Variants in RNF182 observed in about 807,000 individuals in gnomAD.
RNF182 encodes the protein ring finger protein 182.
RNF182 carries 15 observed loss-of-function variants against 14.4 expected under a neutral mutation model. That is an observed-to-expected ratio of 1.04 (90% CI 0.70 to 1.60). RNF182 has a LOEUF of 1.60. RNF182 is among the 40% of genes most tolerant of loss of function. The probability of loss-of-function intolerance (pLI) is 0.00; values close to 1 mark genes in which losing one functional copy is unlikely to be tolerated. For missense variants in RNF182, 268 were observed against 294.8 expected (o/e 0.91, Z 0.67); for synonymous variants, 128 against 122.9 (o/e 1.04, Z -0.27).
At chr6:13,939,246 C>G (rs1404925811) in intron 1 of RNF182, among the ~76,000 whole-genome samples, 1 of 152,136 alleles carries the variant, frequency 6.6e-6, no homozygotes, top group Non-Finnish European at 1.5e-5. Flanking sequence ...CCACAAACAA[C>G]CTGATAGATT....
rs1760440766 is a variant in RNF182, at chr6:13,979,626, A to G, written c.*1763A>G. The G allele has an allele frequency of 6.0e-6, 1 of 166,678 alleles. No individual in the cohort carries two copies. The highest frequency in any genetic ancestry group is 1.5e-5 in the Non-Finnish European group (1 of 68,108). 10.3% of individuals were successfully genotyped at this position (166,678 alleles called of 1,614,324 possible). A position where few individuals can be genotyped will look rare whatever the true frequency, so the allele number is the denominator to read the frequency against. On this transcript the variant is annotated 3_prime_UTR_variant, in exon 3 of 3. Coordinates refer to ENST00000488300, the MANE Select transcript of RNF182 (RefSeq NM_152737.4). ...ATTGTGATGCAATTTCCAGAAATCC[A>G]TTTGTGTTTAGAGTAAATACCATGT...
intron 1 of RNF182, among the ~76,000 whole-genome samples, chr6:13,942,876 T>A (rs1759335832): frequency 6.6e-6 from 1 of 152,222 alleles, no homozygotes; most frequent in African/African-American, 2.4e-5. Context: ...TCCGTTCTTA[T>A]TTTTATTTTA....
chr6:13,969,724 C>T (rs553385873), intron 1 of RNF182, among the ~76,000 whole-genome samples: 1 of 152,124 alleles, frequency 6.6e-6, no homozygotes, highest in African/African-American at 2.4e-5. Context: ...GCCCAATAGT[C>T]CAGGAGCTCA....
intron 1 of RNF182, among the ~76,000 whole-genome samples, chr6:13,973,309 T>C (rs1760240916): frequency 1.3e-5 from 2 of 152,170 alleles, no homozygotes; most frequent in Admixed American, 6.5e-5. Context: ...CAGATGAGAC[T>C]TTGGACTATG....
intron 1 of RNF182, among the ~76,000 whole-genome samples, chr6:13,940,244 C>T (rs192135692): frequency 2.7e-3 from 404 of 152,140 alleles, no homozygotes; most frequent in African/African-American, 8.8e-3. Context: ...AATGATTTTC[C>T]GCATTTATCG....
At position 13,977,818 on chromosome 6, in the gene RNF182, G is replaced by C. The variant is rs753892118; in HGVS notation, c.699G>C (p.Gln233His). The change falls in exon 3 of 3, where the codon CAG becomes CAC. Residue 233 changes from glutamine (Q) to histidine (H), a missense_variant. By Grantham distance (24) the Gln-to-His change is conservative. Coordinates refer to ENST00000488300, the MANE Select transcript of RNF182 (RefSeq NM_152737.4). ...TTCTTATGGTGTATGGTTTTTGCCA[G>C]TGTGTTTGTCATGAATTTCTAGACT... ...LVILMVYGFC[Q>H]CVCHEFLDCM... 4.3e-6 allele frequency: 7 copies of C among 1,613,902 alleles called. No homozygotes were observed. Among genetic ancestry groups the C allele is most frequent in the Non-Finnish European group, 5.9e-6 (7 of 1,179,974 alleles).
In RNF182 at chr6:13,970,578, A is replaced by T. The variant is rs75582107; in HGVS notation, c.-366-3632A>T. Among the ~76,000 whole-genome samples, 773 of 152,196 alleles carry T rather than the reference A, an allele frequency of 5.1e-3. 10 individuals are homozygous for T. Among genetic ancestry groups the T allele is most frequent in the African/African-American group, 0.018 (732 of 41,516 alleles). ...GTGCATGTATCCCTTTGATATATTGATTTCTTTTTCTTTGGATAGATACCA... is the reference window on the plus strand; with the variant it reads ...GTGCATGTATCCCTTTGATATATTGTTTTCTTTTTCTTTGGATAGATACCA... On this transcript the variant is annotated intron_variant, in intron 1 of 2. Coordinates refer to ENST00000488300, the MANE Select transcript of RNF182 (RefSeq NM_152737.4).
intron 1 of RNF182, chr6:13,925,306 C>T (rs971306206): frequency 1.3e-5 from 2 of 149,936 alleles, no homozygotes; most frequent in African/African-American, 2.4e-5. Context: ...GGAGCTGCCC[C>T]TCTGTTGTTG....
At chr6:13,956,136 G>A (rs1447013081) in intron 1 of RNF182, among the ~76,000 whole-genome samples, 1 of 151,868 alleles carries the variant, frequency 6.6e-6, no homozygotes, top group Non-Finnish European at 1.5e-5. Flanking sequence ...TCTTGCTTAG[G>A]GCTGAATAGT....
chr6:13,949,443 G>A (rs530502091), intron 1 of RNF182: 12 of 675,482 alleles, frequency 1.8e-5, no homozygotes, highest in Middle Eastern at 2.5e-4. Flanking sequence ...AGGTTTCTTT[G>A]ACTTCATTCT....
At chr6:13,935,493 C>CTT (rs1759085019) in intron 1 of RNF182, among the ~76,000 whole-genome samples, 1 of 152,128 alleles carries the variant, frequency 6.6e-6, no homozygotes, top group African/African-American at 2.4e-5. Context: ...ATATCAAGGC[C>CTT]TTTATTCATA....
At chr6:13,946,024 T>C (rs1759430256) in intron 1 of RNF182, among the ~76,000 whole-genome samples, 1 of 152,080 alleles carries the variant, frequency 6.6e-6, no homozygotes, top group South Asian at 2.1e-4. Context: ...CTTATTTATA[T>C]ATAACAAAGG....
intron 1 of RNF182, among the ~76,000 whole-genome samples, chr6:13,956,963 A>G (rs1465997880): frequency 1.3e-5 from 2 of 151,460 alleles, no homozygotes; most frequent in African/African-American, 4.9e-5. Flanking sequence ...CCTTTGTTCT[A>G]CATCTTCACT....
chr6:13,961,831 T>A (rs997682507), intron 1 of RNF182, among the ~76,000 whole-genome samples: 6 of 152,314 alleles, frequency 3.9e-5, no homozygotes, highest in Admixed American at 1.3e-4. Context: ...TTGCTCCTTA[T>A]GCTGCCAAAC....
chr6:13,941,868 A>G (rs886080860), intron 1 of RNF182, among the ~76,000 whole-genome samples: 1 of 152,186 alleles, frequency 6.6e-6, no homozygotes, highest in Non-Finnish European at 1.5e-5. Context: ...CCACACATGA[A>G]TAAAATAACA....
At chr6:13,962,962 G>A (rs1759918295) in intron 1 of RNF182, among the ~76,000 whole-genome samples, 1 of 152,180 alleles carries the variant, frequency 6.6e-6, no homozygotes, top group Admixed American at 6.5e-5. Flanking sequence ...CACAGTGACA[G>A]CTCTGTTTTT....
chr6:13,957,739 C>T (rs965221649), intron 1 of RNF182, among the ~76,000 whole-genome samples: 4 of 152,118 alleles, frequency 2.6e-5, no homozygotes, highest in African/African-American at 9.7e-5. Flanking sequence ...TTTTAGAACA[C>T]TGTGAATACT....
At chr6:13,925,883 T>C (rs1180713606) in intron 1 of RNF182, among the ~76,000 whole-genome samples, 1 of 152,212 alleles carries the variant, frequency 6.6e-6, no homozygotes, top group African/African-American at 2.4e-5. Context: ...TATAGGTACC[T>C]TTCTCAGTGG....
rs143952879 is a variant in RNF182 at position 13,944,064 on chromosome 6, C to T, written c.-367+19041C>T. 3.5e-4 allele frequency among the ~76,000 whole-genome samples: 54 copies of T among 152,232 alleles called. 1 individual carries two copies. In the East Asian group the frequency reaches 0.01, roughly 29 times the overall value. Reference sequence around the variant, plus strand: ...CACCAGTTAGGCTCTTACCCTCCTACAAGAAGAACTGGGCAACAGGAGAGG... The same window carrying T: ...CACCAGTTAGGCTCTTACCCTCCTATAAGAAGAACTGGGCAACAGGAGAGG... On this transcript the variant is annotated intron_variant, in intron 1 of 2. Transcript: ENST00000488300.
Sources: gnomAD v4.1 joint callset for allele counts (sites outside exome capture counted in the v4.1 genomes callset) on GRCh38, gnomAD v4.1.1 for gene constraint, MANE v1.5 for transcripts, NCBI Gene and HGNC (gene_info 2026-07-23, HGNC 2026-07-21) for gene names.